The following PPP2R2B variants were observed in gnomAD, a reference collection of about 807,000 sequenced individuals.
PPP2R2B encodes the protein protein phosphatase 2 regulatory subunit Bbeta.
PPP2R2B carries 5 observed loss-of-function variants against 46.0 expected under a neutral mutation model. The ratio of observed to expected loss-of-function variants is 0.11; its 90% confidence interval spans 0.06 to 0.23. PPP2R2B has a LOEUF of 0.23. Among genes scored for constraint, PPP2R2B ranks in the 10% least tolerant of loss-of-function variants. The pLI is 1.00. For synonymous variants in PPP2R2B, 215 were observed against 206.7 expected, an observed-to-expected ratio of 1.04 and a Z score of -0.34; for missense variants, 367 against 575.0, an observed-to-expected ratio of 0.64 and a Z score of 3.70.
upstream of PPP2R2B, among the ~76,000 whole-genome samples, chr5:146,882,589 C>T (rs991035003): frequency 1.3e-5 from 2 of 152,074 alleles, no homozygotes; most frequent in African/African-American, 2.4e-5. Context: ...TGAGATAATA[C>T]GTGGAAAAAA....
At chr5:146,882,641 C>T (rs1228774120), upstream of PPP2R2B, among the ~76,000 whole-genome samples, 1 of 152,150 alleles carries the variant, frequency 6.6e-6, no homozygotes. Context: ...GTCATCATCA[C>T]CATCATCAAT....
At chr5:146,606,876 G>A (rs1210456712) in intron 7 of PPP2R2B, 2 of 152,192 alleles carry the variant, frequency 1.3e-5, no homozygotes, top group African/African-American at 4.8e-5. Flanking sequence ...AAGCCAGTGG[G>A]ACATGAGGGT....
intron 2 of PPP2R2B, among the ~76,000 whole-genome samples, chr5:146,742,804 C>T (rs1312706656): frequency 1.3e-5 from 2 of 152,014 alleles, no homozygotes; most frequent in Middle Eastern, 3.4e-3. Flanking sequence ...GACTAGTGTC[C>T]TTATAAAAAG....
At chr5:147,003,828 T>C (rs1416608867) in intron 1 of PPP2R2B, among the ~76,000 whole-genome samples, 1 of 152,170 alleles carries the variant, frequency 6.6e-6, no homozygotes, top group Admixed American at 6.5e-5. Context: ...TCCTTCTGCC[T>C]TCTACCTTCC....
At chr5:146,732,698 A>C (rs1752304360) in intron 2 of PPP2R2B, among the ~76,000 whole-genome samples, 3 of 152,234 alleles carry the variant, frequency 2.0e-5, no homozygotes, top group African/African-American at 7.2e-5. Flanking sequence ...AAAGCTTAGG[A>C]ATATGCAAAT....
At chr5:146,875,051 G>A (rs1761820392) in intron 2 of PPP2R2B, among the ~76,000 whole-genome samples, 1 of 152,190 alleles carries the variant, frequency 6.6e-6, no homozygotes, top group Admixed American at 6.5e-5. Flanking sequence ...ATTTCCTAGT[G>A]GGAGAACCTG....
rs116183401 is a variant in PPP2R2B at position 146,676,191 on chromosome 5, T to C, written c.447+14937A>G. Among the ~76,000 whole-genome samples, 1,144 of 152,280 alleles carry C rather than the reference T, an allele frequency of 7.5e-3. 13 individuals carry two copies. The highest frequency in any genetic ancestry group is 0.026 in the African/African-American group (1,097 of 41,572). ...CTGCCAGGAACTATCTAGGCGGCTT[T>C]TCCATGTTGGTGAACATCCTGTCTT... On this transcript the variant is annotated intron_variant, in intron 5 of 9. Coordinates refer to ENST00000394411, the MANE Select transcript of PPP2R2B (RefSeq NM_181675.4).
At chr5:146,892,354 C>T (rs1178724720) in intron 1 of PPP2R2B, among the ~76,000 whole-genome samples, 2 of 152,192 alleles carry the variant, frequency 1.3e-5, no homozygotes, top group Non-Finnish European at 2.9e-5. Flanking sequence ...AATAATTCCT[C>T]ATATTGACAA....
intron 2 of PPP2R2B, among the ~76,000 whole-genome samples, chr5:146,853,451 T>C (rs547661330): frequency 1.3e-5 from 2 of 152,270 alleles, no homozygotes; most frequent in South Asian, 4.1e-4. Context: ...GTTAAACTTG[T>C]CTGTTTTCAA....
At chr5:146,619,018 T>C (rs1773451611) in intron 7 of PPP2R2B, among the ~76,000 whole-genome samples, 1 of 152,192 alleles carries the variant, frequency 6.6e-6, no homozygotes, top group Non-Finnish European at 1.5e-5. Context: ...AGGGGCTCCA[T>C]ATCAAGCCCT....
chr5:146,740,584 C>T (rs1360866669), intron 2 of PPP2R2B, among the ~76,000 whole-genome samples: 3 of 103,476 alleles, frequency 2.9e-5, no homozygotes, highest in Non-Finnish European at 5.7e-5. Flanking sequence ...CACACACACA[C>T]ACACACACAC....
chr5:146,676,897 G>A (rs1037102633), intron 5 of PPP2R2B, among the ~76,000 whole-genome samples: 6 of 152,130 alleles, frequency 3.9e-5, no homozygotes, highest in Admixed American at 6.6e-5. Flanking sequence ...GTAGTGCAAC[G>A]GCATATCTAA....
chr5:146,977,709 C>T (rs1561552203), intron 1 of PPP2R2B, among the ~76,000 whole-genome samples: 1 of 152,148 alleles, frequency 6.6e-6, no homozygotes, highest in Non-Finnish European at 1.5e-5. Flanking sequence ...ATAAACTCAT[C>T]CTTTTTTATG....
chr5:146,807,776 C>CCT (rs1757269168), intron 2 of PPP2R2B, among the ~76,000 whole-genome samples: 45 of 36,928 alleles, frequency 1.2e-3, no homozygotes, highest in African/African-American at 3.4e-3. Flanking sequence ...GGGGTGCCTT[C>CCT]TTTTTTTTTT....
At chr5:147,047,126 C>T (rs1756580760) in intron 1 of PPP2R2B, among the ~76,000 whole-genome samples, 1 of 152,008 alleles carries the variant, frequency 6.6e-6, no homozygotes, top group African/African-American at 2.4e-5. Context: ...AGGGTTCTTC[C>T]TATCACCATG....
intron 2 of PPP2R2B, among the ~76,000 whole-genome samples, chr5:146,839,898 C>G (rs1244442766): frequency 6.6e-6 from 1 of 152,162 alleles, no homozygotes; most frequent in African/African-American, 2.4e-5. Context: ...ATTTTTACTT[C>G]CTTAGGGTAT....
At position 146,590,192 on chromosome 5, in the gene PPP2R2B, T is replaced by C. The variant is rs201722283; in HGVS notation, c.1087A>G (p.Arg363Gly). 6.2e-7 allele frequency: 1 copy of C among 1,612,404 alleles called. No individual in the cohort carries two copies. The highest frequency in any genetic ancestry group is 2.2e-5 in the East Asian group (1 of 44,850). The change falls in exon 10 of 10, where the codon AGG becomes GGG. Residue 363 changes from arginine to glycine, a missense_variant. Arg to Gly is a moderately radical substitution (Grantham distance 125, BLOSUM62 -2). Coordinates refer to ENST00000394411, the MANE Select transcript of PPP2R2B (RefSeq NM_181675.4). Reference sequence around the variant, plus strand: ...CGCTTGGTGTTTCTGTCGAACATCCTGAAGAAGTTGTTGTAGGAGCCTGTC... The same window carrying C: ...CGCTTGGTGTTTCTGTCGAACATCCCGAAGAAGTTGTTGTAGGAGCCTGTC... ...IMTGSYNNFF[R>G]MFDRNTKRDV...
At chr5:146,977,268 C>T (rs996548611) in intron 1 of PPP2R2B, among the ~76,000 whole-genome samples, 3 of 152,046 alleles carry the variant, frequency 2.0e-5, no homozygotes, top group Admixed American at 6.6e-5. Flanking sequence ...TGTTCTGTCA[C>T]CCCAAGCTGG....
At chr5:146,890,680 AAAT>A (rs1334279868) in intron 1 of PPP2R2B, among the ~76,000 whole-genome samples, 2 of 152,204 alleles carry the variant, frequency 1.3e-5, no homozygotes, top group African/African-American at 2.4e-5. Flanking sequence ...TATAGAGTAA[AAAT>A]AATAATATTA....
Sources: gnomAD v4.1 joint callset for allele counts (sites outside exome capture counted in the v4.1 genomes callset) on GRCh38, gnomAD v4.1.1 for gene constraint, MANE v1.5 for transcripts, NCBI Gene and HGNC (gene_info 2026-07-23, HGNC 2026-07-21) for gene names.